NSD3: variants seen among roughly 807,000 people sequenced by gnomAD.
NSD3 encodes nuclear receptor binding SET domain protein 3, also known as histone-lysine N-methyltransferase NSD3.
A neutral mutation model predicts 160.8 loss-of-function variants in NSD3; 24 were observed. The observed-to-expected ratio is 0.15, with a 90% CI of 0.11 to 0.21. The LOEUF (loss-of-function observed/expected upper bound fraction) is 0.21. Among genes scored for constraint, NSD3 ranks in the 10% least tolerant of loss-of-function variants. The probability of loss-of-function intolerance (pLI) is 1.00; values close to 1 mark genes in which losing one functional copy is unlikely to be tolerated. For synonymous variants in NSD3, 520 were observed against 600.0 expected, an observed-to-expected ratio of 0.87 and a Z score of 1.95; for missense variants, 1,157 against 1,735.9, an observed-to-expected ratio of 0.67 and a Z score of 5.93.
intron 19 of NSD3, among the ~76,000 whole-genome samples, chr8:38,285,947 A>G (rs1310015109): frequency 1.3e-5 from 2 of 151,986 alleles, no homozygotes; most frequent in East Asian, 1.9e-4. Flanking sequence ...CCTCCTTATC[A>G]TATGTTCTCC....
chr8:38,332,539 A>G (rs1810087717), intron 4 of NSD3, among the ~76,000 whole-genome samples: 1 of 152,232 alleles, frequency 6.6e-6, no homozygotes, highest in Non-Finnish European at 1.5e-5. Context: ...TCCTGGGACC[A>G]CAACATCTGA....
chr8:38,295,867 A>G lies in NSD3; in HGVS notation c.2844T>C (p.Asn948=). ...TCTTGCCAGCTTTACAGTCATTACA[A>G]TTCCAGCAGCCTTCTGGCATTTCTA... ...LSIEMPEGCW[N]CNDCKAGKKL... The change falls in exon 16 of 24, where the codon AAT becomes AAC. Residue 948 remains asparagine, a synonymous_variant. Transcript: ENST00000317025. 1.2e-6 allele frequency: 2 copies of G among 1,614,188 alleles called. No homozygotes were observed. Among genetic ancestry groups the G allele is most frequent in the East Asian group, 2.2e-5 (1 of 44,878 alleles).
At chr8:38,302,320 T>C (rs958443581) in intron 14 of NSD3, among the ~76,000 whole-genome samples, 6 of 152,242 alleles carry the variant, frequency 3.9e-5, no homozygotes, top group African/African-American at 7.2e-5. Flanking sequence ...TAAATACTTA[T>C]AAAAGAACAC....
chr8:38,311,324 G>GT (rs1255118951), intron 12 of NSD3, among the ~76,000 whole-genome samples: 1 of 151,692 alleles, frequency 6.6e-6, no homozygotes, highest in Non-Finnish European at 1.5e-5. Context: ...GAATTGTTTC[G>GT]TTTTTTGTTT....
At chr8:38,294,074 G>A (rs937036089) in intron 16 of NSD3, among the ~76,000 whole-genome samples, 1 of 151,076 alleles carries the variant, frequency 6.6e-6, no homozygotes, top group Non-Finnish European at 1.5e-5. Context: ...GAGTTTTTTA[G>A]TTTAATTGTG....
rs1417512750 is a variant in NSD3 at position 38,382,251 on chromosome 8, C to G, written c.-497G>C. On this transcript the variant is annotated 5_prime_UTR_variant, in exon 1 of 24. Transcript: ENST00000317025. This position sits in a 1 kb window ranked among gnomAD's most constrained non-coding sequence, Gnocchi z 4.2. Reference sequence around the variant, plus strand: ...TGGCCGCCGCCGCCGCCTCTCCCGCCGCCGCCGCGCACAAAGCCCCCCCAC... The same window carrying G: ...TGGCCGCCGCCGCCGCCTCTCCCGCGGCCGCCGCGCACAAAGCCCCCCCAC... 5.9e-6 allele frequency: 1 copy of G among 169,962 alleles called. No homozygotes were observed. Among genetic ancestry groups the G allele is most frequent in the Middle Eastern group, 2.9e-3 (1 of 350 alleles). The allele number at this position is 169,962 out of a possible 1,614,324, so 10.5% of individuals were successfully genotyped here.
At position 38,288,889 on chromosome 8, in the gene NSD3, A is replaced by G; in HGVS notation, c.3232-133T>C. 1 of 1,108,498 alleles carries G rather than the reference A, an allele frequency of 9.0e-7. No individual in the cohort carries two copies. The highest frequency in any genetic ancestry group is 1.3e-6 in the Non-Finnish European group (1 of 791,720). The allele number at this position is 1,108,498 out of a possible 1,614,324, so 68.7% of individuals were successfully genotyped here. A position where few individuals can be genotyped will look rare whatever the true frequency, so the allele number is the denominator to read the frequency against. On this transcript the variant is annotated intron_variant, in intron 18 of 23. Transcript: ENST00000317025. The surrounding 1 kb of genome is among the most constrained non-coding windows in gnomAD (Gnocchi z 4.5). ...GAAAGGTTGTCTTTCCTGATGAATA[A>G]GCTGAGATTAATAACCATCTCTTTT...
At chr8:38,337,147 A>C (rs562473201) in intron 4 of NSD3, among the ~76,000 whole-genome samples, 158 bp downstream of exon 4, 2 of 152,214 alleles carry the variant, frequency 1.3e-5, no homozygotes, top group South Asian at 4.1e-4. Flanking sequence ...CGTCTCAAAA[A>C]AAAAAAGAAA....
At chr8:38,280,683 T>C (rs1053847254) in intron 20 of NSD3, among the ~76,000 whole-genome samples, 4 of 151,878 alleles carry the variant, frequency 2.6e-5, no homozygotes, top group Admixed American at 6.5e-5. Flanking sequence ...GTGTATCAAA[T>C]AGGTCTTACA....
intron 22 of NSD3, among the ~76,000 whole-genome samples, chr8:38,277,340 C>T (rs758331133): frequency 2.6e-5 from 4 of 152,162 alleles, no homozygotes; most frequent in African/African-American, 4.8e-5. Context: ...TGCAATGGCG[C>T]GACCTTGGCT....
At chr8:38,294,687 A>T (rs887772044) in intron 16 of NSD3, among the ~76,000 whole-genome samples, 2 of 152,122 alleles carry the variant, frequency 1.3e-5, no homozygotes, top group African/African-American at 4.8e-5. Context: ...CAAAGAAAAT[A>T]TCATCTCTGG....
chr8:38,276,214 C>G (rs1465155557), intron 23 of NSD3, 82 bp downstream of exon 23: 70 of 1,419,692 alleles, frequency 4.9e-5, no homozygotes, highest in Non-Finnish European at 6.4e-5. Flanking sequence ...CATTTCCTAT[C>G]CCATGGCATG....
rs1808467533 is a variant in NSD3 at position 38,271,291 on chromosome 8, C to T, written c.*4350G>A. On this transcript the variant is annotated 3_prime_UTR_variant, in exon 24 of 24. Transcript: ENST00000317025. ...TCTACTTCATAAATGTAAAAAGAAA[C>T]TAAAATAAGGAGAATCTGAAGAGTT... The T allele has an allele frequency of 6.6e-6, 1 of 151,980 alleles. No individual in the cohort carries two copies. Among genetic ancestry groups the T allele is most frequent in the Non-Finnish European group, 1.5e-5 (1 of 68,000 alleles). 9.4% of individuals were successfully genotyped at this position (151,980 alleles called of 1,614,324 possible). A position where few individuals can be genotyped will look rare whatever the true frequency, so the allele number is the denominator to read the frequency against.
At chr8:38,286,155 A>T (rs915531712) in intron 19 of NSD3, among the ~76,000 whole-genome samples, 3 of 152,144 alleles carry the variant, frequency 2.0e-5, no homozygotes, top group Admixed American at 6.6e-5. Context: ...AGTTTATGAC[A>T]TAAGACTTCA....
intron 10 of NSD3, 55 bp from the exon 11 acceptor site, chr8:38,315,599 A>C: frequency 6.3e-7 from 1 of 1,596,862 alleles, no homozygotes; most frequent in Admixed American, 1.7e-5. Flanking sequence ...TCCCTCCAAG[A>C]TAAGATGCTA....
At position 38,288,512 on chromosome 8, in the gene NSD3, A is replaced by G; in HGVS notation, c.3476T>C (p.Leu1159Pro). ...IIKTERRGWG[L>P]RTKRSIKKGE... ...CTTCTTAATGCTCCTTTTGGTCCTG[A>G]GGCCCCAGCCTCTCCGCTCCGTTTT... The change falls in exon 19 of 24, where the codon CTC becomes CCC. Residue 1159 changes from leucine (L) to proline (P), a missense_variant. By Grantham distance (98) the Leu-to-Pro change is moderately conservative (BLOSUM62 -3). This residue lies in a region of NSD3 where 222 missense variants were observed against 409.9 expected (regional missense o/e 0.54). Coordinates refer to ENST00000317025, the MANE Select transcript of NSD3 (RefSeq NM_023034.2). This position sits in a 1 kb window ranked among gnomAD's most constrained non-coding sequence, Gnocchi z 4.5. The G allele has an allele frequency of 6.2e-7, 1 of 1,614,128 alleles. No individual in the cohort carries two copies. Among genetic ancestry groups the G allele is most frequent in the Non-Finnish European group, 8.5e-7 (1 of 1,180,000 alleles).
At chr8:38,295,153 A>G (rs1332169310) in intron 16 of NSD3, among the ~76,000 whole-genome samples, 1 of 151,732 alleles carries the variant, frequency 6.6e-6, no homozygotes, top group Non-Finnish European at 1.5e-5. Flanking sequence ...CAAAAAAAAA[A>G]AAAAAAAAAA....
chr8:38,305,559 A>G (rs950321265), intron 12 of NSD3, 114 bp from the exon 13 acceptor site: 1 of 916,638 alleles, frequency 1.1e-6, no homozygotes, highest in African/African-American at 1.7e-5. Context: ...TACTATACTT[A>G]AGAATTTAAT....
chr8:38,331,852 A>C (rs1810069190), intron 4 of NSD3, among the ~76,000 whole-genome samples: 4 of 152,240 alleles, frequency 2.6e-5, no homozygotes, highest in Admixed American at 2.6e-4. Flanking sequence ...ACAAAACAAA[A>C]CAAAATAACA....
Sources: gnomAD v4.1 joint callset for allele counts (sites outside exome capture counted in the v4.1 genomes callset) on GRCh38, gnomAD v4.1.1 for gene constraint, gnomAD v4.1.1 regional missense constraint, Gnocchi (gnomAD v3.1) non-coding constraint, MANE v1.5 for transcripts, NCBI Gene and HGNC (gene_info 2026-07-23, HGNC 2026-07-21) for gene names.